Variants in EFCAB8 observed in about 807,000 individuals in gnomAD.
EFCAB8 encodes the protein EF-hand calcium binding domain 8.
In EFCAB8, 100 loss-of-function variants were observed where a neutral mutation model predicts 116.3. The ratio of observed to expected loss-of-function variants is 0.86; its 90% CI spans 0.73 to 1.02. The LOEUF (loss-of-function observed/expected upper bound fraction) is 1.02. Ranked by LOEUF, EFCAB8 falls within the 50% of genes least tolerant of loss-of-function variation. The pLI is 0.00. For missense variants in EFCAB8, 1,320 were observed against 1,416.9 expected (o/e 0.93, Z 1.10); for synonymous variants, 558 against 567.9 (o/e 0.98, Z 0.25).
At chr20:32,934,013 C>CTTT (rs112853872) in intron 22 of EFCAB8, among the ~76,000 whole-genome samples, 38 of 140,598 alleles carry the variant, frequency 2.7e-4, no homozygotes, top group Admixed American at 3.5e-4. Flanking sequence ...AAATCAAAAA[C>CTTT]TTTTTTTTTT....
intron 11 of EFCAB8, among the ~76,000 whole-genome samples, chr20:32,904,418 A>C (rs575532949): frequency 1.3e-4 from 19 of 148,580 alleles, no homozygotes; most frequent in African/African-American, 4.7e-4. Context: ...CTCCCACCTC[A>C]GCCTTGCAAG....
At chr20:32,929,072 T>C (rs1277057763) in intron 20 of EFCAB8, among the ~76,000 whole-genome samples, 36 of 152,120 alleles carry the variant, frequency 2.4e-4, no homozygotes. Context: ...TGCTACTGAA[T>C]GCAGTTTGCT....
At chr20:32,877,600 C>T (rs1985047775) in intron 4 of EFCAB8, among the ~76,000 whole-genome samples, 1 of 152,238 alleles carries the variant, frequency 6.6e-6, no homozygotes, top group African/African-American at 2.4e-5. Flanking sequence ...ATTTAACCCC[C>T]TCGCATTCCT....
In EFCAB8 at chr20:32,961,207, C is replaced by A; in HGVS notation, c.3465C>A (p.Thr1155=). Residue 1155 remains threonine, a synonymous_variant, in exon 27 of 27, where the codon ACC becomes ACA. Transcript: ENST00000400522. ...CGACTCAGCAGCCTGACTTCCTGAC[C>A]AGCAGGGGCCCAGACCAGCAAGACC... The part of the protein sequence containing the change: ...LMPTQQPDFL[T]SRGPDQQDQH... 1 of 1,552,102 alleles carries A rather than the reference C, an allele frequency of 6.4e-7. No individual in the cohort carries two copies. Among genetic ancestry groups the A allele is most frequent in the Non-Finnish European group, 8.7e-7 (1 of 1,146,998 alleles).
At chr20:32,861,357 C>T (rs368982936) in intron 1 of EFCAB8, among the ~76,000 whole-genome samples, 9 of 152,220 alleles carry the variant, frequency 5.9e-5, no homozygotes, top group Admixed American at 4.6e-4. Context: ...GGCACAATCT[C>T]GGCTCACCGC....
chr20:32,949,811 C>T (rs1334863914), intron 23 of EFCAB8, among the ~76,000 whole-genome samples: 2 of 152,194 alleles, frequency 1.3e-5, no homozygotes, highest in Non-Finnish European at 2.9e-5. Flanking sequence ...CCAGCCTGGC[C>T]AACATGGCAA....
intron 3 of EFCAB8, among the ~76,000 whole-genome samples, chr20:32,873,276 T>C (rs2014837): frequency 0.42 from 63,154 of 151,656 alleles, 15,322 homozygotes; most frequent in Non-Finnish European, 0.55. Context: ...CCCTGAACTC[T>C]GAGGATGTTG....
At chr20:32,915,845 G>A (rs185711528) in intron 17 of EFCAB8, among the ~76,000 whole-genome samples, 17 of 152,002 alleles carry the variant, frequency 1.1e-4, no homozygotes, top group Non-Finnish European at 1.8e-4. Context: ...CTAATTTTTT[G>A]TATTTTTAGT....
At chr20:32,883,317 G>A (rs936509900) in intron 5 of EFCAB8, among the ~76,000 whole-genome samples, 3 of 152,180 alleles carry the variant, frequency 2.0e-5, no homozygotes, top group Non-Finnish European at 4.4e-5. Flanking sequence ...ACATTCCCTA[G>A]TCCAAAGTCC....
intron 22 of EFCAB8, among the ~76,000 whole-genome samples, chr20:32,935,188 C>CTTTTTTTTTTTTTT (rs754022404): frequency 6.1e-4 from 41 of 66,882 alleles, no homozygotes; most frequent in African/African-American, 7.7e-4. Flanking sequence ...TTCTTTCTTT[C>CTTTTTTTTTTTTTT]TTTCTTTTTT....
Position 32,913,998 on chromosome 20 carries a change from G to T in EFCAB8, c.1856+1134G>T, listed in dbSNP as rs576715091. ...AGATTTGGGGAGCCTTGCCCCCATG[G>T]TGGCTCTATGCCTGGGCCCTGCCCC... On this transcript the variant is annotated intron_variant, in intron 17 of 26. Coordinates refer to ENST00000400522, the MANE Select transcript of EFCAB8 (RefSeq NM_001143967.2). 6.3e-4 allele frequency among the ~76,000 whole-genome samples: 96 copies of T among 152,350 alleles called. 2 individuals are homozygous for T. The South Asian group carries it at 0.019, about 30-fold the overall frequency.
chr20:32,867,983 C>T (rs1239974951), intron 3 of EFCAB8, among the ~76,000 whole-genome samples: 1 of 152,094 alleles, frequency 6.6e-6, no homozygotes, highest in African/African-American at 2.4e-5. Flanking sequence ...ACTACATGCA[C>T]ATACCACCAC....
At chr20:32,871,820 C>T (rs1401675978) in intron 3 of EFCAB8, among the ~76,000 whole-genome samples, 1 of 152,134 alleles carries the variant, frequency 6.6e-6, no homozygotes, top group Admixed American at 6.5e-5. Flanking sequence ...TTCCCTTTTC[C>T]TAGCTTCAGT....
At chr20:32,931,916 A>G in intron 22 of EFCAB8, among the ~76,000 whole-genome samples, 1 of 152,238 alleles carries the variant, frequency 6.6e-6, no homozygotes, top group East Asian at 1.9e-4. Context: ...TCTTCAAACA[A>G]TTTAGGCAAA....
chr20:32,874,061 C>T, intron 3 of EFCAB8, among the ~76,000 whole-genome samples: 1 of 151,892 alleles, frequency 6.6e-6, no homozygotes, highest in East Asian at 1.9e-4. Context: ...GTTGGGACTA[C>T]AGGCATGTGC....
intron 3 of EFCAB8, among the ~76,000 whole-genome samples, chr20:32,871,376 CA>C (rs1311945355): frequency 6.6e-6 from 1 of 151,850 alleles, no homozygotes; most frequent in Non-Finnish European, 1.5e-5. Flanking sequence ...TGGGCTCAAG[CA>C]ATCCTCCTGA....
chr20:32,947,903 TA>T (rs377234035), intron 23 of EFCAB8, among the ~76,000 whole-genome samples: 3,761 of 100,694 alleles, frequency 0.037, 133 homozygotes, highest in African/African-American at 0.11. Context: ...CCATCTCAAT[TA>T]AAAAAAAAAA....
At chr20:32,888,890 A>G (rs1985768983) in intron 6 of EFCAB8, among the ~76,000 whole-genome samples, 1 of 151,746 alleles carries the variant, frequency 6.6e-6, no homozygotes, top group South Asian at 2.1e-4. Flanking sequence ...ACACACCCAT[A>G]GAAATGTCTT....
At chr20:32,915,925 A>C (rs1339802043) in intron 17 of EFCAB8, among the ~76,000 whole-genome samples, 1 of 152,012 alleles carries the variant, frequency 6.6e-6, no homozygotes, top group Admixed American at 6.6e-5. Flanking sequence ...CACCTGTCTC[A>C]GTTCCCAAAG....
Sources: gnomAD v4.1 joint callset for allele counts (sites outside exome capture counted in the v4.1 genomes callset) on GRCh38, gnomAD v4.1.1 for gene constraint, MANE v1.5 for transcripts, NCBI Gene and HGNC (gene_info 2026-07-23, HGNC 2026-07-21) for gene names.